OSBPL3: variants seen among roughly 807,000 people sequenced by gnomAD.
The protein encoded by OSBPL3 is oxysterol binding protein like 3.
A neutral mutation model predicts 120.1 loss-of-function variants in OSBPL3; 65 were observed. The ratio of observed to expected loss-of-function variants is 0.54; its 90% CI spans 0.44 to 0.67. The LOEUF is 0.67. OSBPL3 is among the 30% of genes least tolerant of loss of function. The probability of loss-of-function intolerance (pLI) is 0.00; values close to 1 mark genes in which losing one functional copy is unlikely to be tolerated. For missense variants in OSBPL3, 1,004 were observed against 1,082.1 expected, an observed-to-expected ratio of 0.93 and a Z score of 1.01; for synonymous variants, 416 against 402.6, an observed-to-expected ratio of 1.03 and a Z score of -0.40.
rs1314492549 is a variant in OSBPL3, at chr7:24,894,173, A to G, written c.-149-1552T>C. Among the ~76,000 whole-genome samples, 2 of 152,226 alleles carry G rather than the reference A, an allele frequency of 1.3e-5. No individual in the cohort carries two copies. The highest frequency in any genetic ancestry group is 1.5e-5 in the Non-Finnish European group (1 of 68,046). ...GTTCTTCAAAAATAAAAAAGAGTAC[A>G]TTAAAGCAATAAGCTAGAATCAAAA... is the stretch of plus-strand genomic sequence containing the variant. On this transcript the variant is annotated intron_variant, in intron 1 of 22. Transcript: ENST00000313367. The surrounding 1 kb of genome is among the most constrained non-coding windows in gnomAD (Gnocchi z 4.1).
In OSBPL3 at chr7:24,965,826, C is replaced by G. The variant is rs2522242; in HGVS notation, c.-150+14060G>C. 2.0e-5 allele frequency among the ~76,000 whole-genome samples: 3 copies of G among 152,236 alleles called. No homozygotes were observed. The highest frequency in any genetic ancestry group is 7.2e-5 in the African/African-American group (3 of 41,554). The stretch of plus-strand genomic sequence containing the variant: ...TCAGCCTCCCAAAGTGTTGGGATTA[C>G]AGGCATTAGCCACTGCGACGGACTC... On this transcript the variant is annotated intron_variant, in intron 1 of 22. Transcript: ENST00000313367. The surrounding 1 kb of genome is among the most constrained non-coding windows in gnomAD (Gnocchi z 4.3).
intron 15 of OSBPL3, among the ~76,000 whole-genome samples, chr7:24,832,024 G>A (rs562931707): frequency 6.6e-6 from 1 of 151,870 alleles, no homozygotes; most frequent in African/African-American, 2.4e-5. Context: ...ACAACATGGC[G>A]AAACCTCTTC....
rs1307061397 is a variant in OSBPL3, at chr7:24,820,832, T to C, written c.1885-594A>G. ...GTGTTTCTATTAAAAAAAAAAAAGG[T>C]AAACACAATTGTTGAGGAAATGTTA... On this transcript the variant is annotated intron_variant, in intron 16 of 22. Coordinates refer to ENST00000313367, the MANE Select transcript of OSBPL3 (RefSeq NM_015550.4). The surrounding 1 kb of genome is among the most constrained non-coding windows in gnomAD (Gnocchi z 4.6). 2.2e-5 allele frequency among the ~76,000 whole-genome samples: 3 copies of C among 135,944 alleles called. No individual in the cohort carries two copies. The highest frequency in any genetic ancestry group is 5.6e-5 in the African/African-American group (2 of 35,592). 89.2% of individuals were successfully genotyped at this position (135,944 alleles called of 152,430 possible). A position where few individuals can be genotyped will look rare whatever the true frequency, so the allele number is the denominator to read the frequency against.
chr7:24,944,029 CGGCAAAGAAAA>C (rs1813400931), intron 1 of OSBPL3, among the ~76,000 whole-genome samples: 1 of 142,618 alleles, frequency 7.0e-6, no homozygotes, highest in Non-Finnish European at 1.5e-5. Flanking sequence ...TTCCTTTCAT[CGGCAAAGAAAA>C]ACCAAGGAAG....
chr7:24,840,730 A>T lies in OSBPL3; in HGVS notation c.1455T>A (p.Asp485Glu), dbSNP rs1429214566. Residue 485 changes from aspartate to glutamate, a missense_variant, in exon 14 of 23, where the codon GAT becomes GAA. Transcript: ENST00000313367. ...VSDISDNLSL[D>E]NLSNDLDNER... ...CATTATCTAAATCATTACTGAGATT[A>T]TCTAAGGAAAGATTATCACTTATGT... The T allele has an allele frequency of 2.0e-6, 3 of 1,468,434 alleles. No homozygotes were observed. The highest frequency in any genetic ancestry group is 2.8e-6 in the Non-Finnish European group (3 of 1,068,848). 91.0% of individuals were successfully genotyped at this position (1,468,434 alleles called of 1,614,324 possible).
At chr7:24,816,050 G>A (rs1480610095) in intron 18 of OSBPL3, among the ~76,000 whole-genome samples, 1 of 152,118 alleles carries the variant, frequency 6.6e-6, no homozygotes, top group African/African-American at 2.4e-5. Context: ...TTGAGATAGG[G>A]TCTCACCCCT....
In OSBPL3 at chr7:24,918,778, C is replaced by G. The variant is rs1258282216; in HGVS notation, c.-149-26157G>C. ...CAGTAATTCCAATTCCTATGATGAC[C>G]CTGGAGAAAATACTTTCTAAATGGA... is the stretch of plus-strand genomic sequence containing the variant. On this transcript the variant is annotated intron_variant, in intron 1 of 22. Coordinates refer to ENST00000313367, the MANE Select transcript of OSBPL3 (RefSeq NM_015550.4). This position sits in a 1 kb window ranked among gnomAD's most constrained non-coding sequence, Gnocchi z 4.3. Among the ~76,000 whole-genome samples, 2 of 151,982 alleles carry G rather than the reference C, an allele frequency of 1.3e-5. No homozygotes were observed. The highest frequency in any genetic ancestry group is 2.4e-5 in the African/African-American group (1 of 41,378).
At position 24,965,720 on chromosome 7, in the gene OSBPL3, T is replaced by C. The variant is rs954221116; in HGVS notation, c.-150+14166A>G. On this transcript the variant is annotated intron_variant, in intron 1 of 22. Coordinates refer to ENST00000313367, the MANE Select transcript of OSBPL3 (RefSeq NM_015550.4). The surrounding 1 kb of genome is among the most constrained non-coding windows in gnomAD (Gnocchi z 4.3). ...CAATCTGTTTTATTAAATAATTAAT[T>C]TGTTTGTTTTTGTGGAGACTGAGTC... Among the ~76,000 whole-genome samples the C allele has an allele frequency of 6.6e-6, 1 of 152,096 alleles. No individual in the cohort carries two copies. The highest frequency in any genetic ancestry group is 2.4e-5 in the African/African-American group (1 of 41,402).
chr7:24,959,562 G>C lies in OSBPL3; in HGVS notation c.-150+20324C>G, dbSNP rs984360705. On this transcript the variant is annotated intron_variant, in intron 1 of 22. Transcript: ENST00000313367. The surrounding 1 kb of genome is among the most constrained non-coding windows in gnomAD (Gnocchi z 4.3). Reference sequence around the variant, plus strand: ...CATTGCGGGTAGGGATAGCGACTTCGGAAGAGCTGGTAATCACCTGTTTCT... The same window carrying C: ...CATTGCGGGTAGGGATAGCGACTTCCGAAGAGCTGGTAATCACCTGTTTCT... Among the ~76,000 whole-genome samples, 2 of 152,252 alleles carry C rather than the reference G, an allele frequency of 1.3e-5. No homozygotes were observed. Among genetic ancestry groups the C allele is most frequent in the East Asian group, 3.9e-4 (2 of 5,190 alleles).
At chr7:24,961,453 A>G (rs1017583850) in intron 1 of OSBPL3, among the ~76,000 whole-genome samples, 6 of 152,154 alleles carry the variant, frequency 3.9e-5, no homozygotes, top group African/African-American at 1.2e-4. Flanking sequence ...CTCACCCCCA[A>G]GGTGATGGTA....
intron 1 of OSBPL3, among the ~76,000 whole-genome samples, chr7:24,895,012 A>C (rs1469079425): frequency 6.6e-6 from 1 of 152,072 alleles, no homozygotes; most frequent in Admixed American, 6.5e-5. Flanking sequence ...AAAGAAAGAG[A>C]GGGGACCCGC....
At chr7:24,850,125 G>A (rs974928656) in intron 11 of OSBPL3, among the ~76,000 whole-genome samples, 1 of 152,134 alleles carries the variant, frequency 6.6e-6, no homozygotes, top group Admixed American at 6.5e-5. Flanking sequence ...AGGGCTTAAG[G>A]ACCATGGCTC....
rs750460633 is a variant in OSBPL3, at chr7:24,852,524, G to A, written c.1138C>T (p.Leu380=). 3.1e-6 allele frequency: 5 copies of A among 1,589,856 alleles called. No individual in the cohort carries two copies. In the South Asian group the frequency reaches 5.8e-5, roughly 19 times the overall value. ...SSSPSAQVIG[L]KNALSSALAQ... is the part of the protein sequence containing the mutation. Reference sequence around the variant, plus strand: ...CTTACGGATGACAGGGCGTTCTTCAGACCAATGACCTGAGCAGACGGGGAG... The same window carrying A: ...CTTACGGATGACAGGGCGTTCTTCAAACCAATGACCTGAGCAGACGGGGAG... Residue 380 remains leucine, a synonymous_variant, in exon 11 of 23, where the codon CTG becomes TTG. Transcript: ENST00000313367. This position sits in a 1 kb window ranked among gnomAD's most constrained non-coding sequence, Gnocchi z 4.1.
In OSBPL3 at chr7:24,972,996, CTAAAAA is replaced by C. The variant is rs566910241; in HGVS notation, c.-150+6884_-150+6889del. The stretch of plus-strand genomic sequence containing the variant: ...AGGAAAGTATCTGACCCACACAATA[CTAAAAA>C]TAAAGATTTTAGTATTTTAACTGTA... On this transcript the variant is annotated intron_variant, in intron 1 of 22. Coordinates refer to ENST00000313367, the MANE Select transcript of OSBPL3 (RefSeq NM_015550.4). This position sits in a 1 kb window ranked among gnomAD's most constrained non-coding sequence, Gnocchi z 4.3. Among the ~76,000 whole-genome samples the C allele has an allele frequency of 1.6e-3, 250 of 152,216 alleles. 1 individual carries two copies. The highest frequency in any genetic ancestry group is 5.8e-3 in the African/African-American group (241 of 41,514).
chr7:24,801,294 G>A (rs1007748067), intron 22 of OSBPL3, among the ~76,000 whole-genome samples: 2 of 149,548 alleles, frequency 1.3e-5, no homozygotes, highest in Non-Finnish European at 3.0e-5. Context: ...AGTCTGGAGA[G>A]ATTAGTCCTG....
intron 1 of OSBPL3, among the ~76,000 whole-genome samples, chr7:24,903,914 A>C (rs1807450672): frequency 2.8e-5 from 4 of 141,312 alleles, no homozygotes; most frequent in African/African-American, 2.6e-5. Context: ...ACAGACTCTC[A>C]CTCTGTCACC....
intron 20 of OSBPL3, among the ~76,000 whole-genome samples, chr7:24,807,228 C>A (rs1793163226): frequency 6.6e-6 from 1 of 152,182 alleles, no homozygotes; most frequent in Non-Finnish European, 1.5e-5. Flanking sequence ...CGTGGTGGCT[C>A]ATGCCTGTAA....
At chr7:24,829,496 C>A (rs1157591126) in intron 16 of OSBPL3, among the ~76,000 whole-genome samples, 1 of 152,136 alleles carries the variant, frequency 6.6e-6, no homozygotes, top group Non-Finnish European at 1.5e-5. Flanking sequence ...TCAGCCAACC[C>A]ACGCTTCCCC....
rs1046886681 is a variant in OSBPL3, at chr7:24,937,808, C to T, written c.-150+42078G>A. ...CCCATCTTACATGTCTTTGCCCATACTTGGTGTAGTCAAACTATTTAATTT... is the reference window on the plus strand; with the variant it reads ...CCCATCTTACATGTCTTTGCCCATATTTGGTGTAGTCAAACTATTTAATTT... On this transcript the variant is annotated intron_variant, in intron 1 of 22. Transcript: ENST00000313367. This position sits in a 1 kb window ranked among gnomAD's most constrained non-coding sequence, Gnocchi z 4.0. Among the ~76,000 whole-genome samples the T allele has an allele frequency of 6.6e-6, 1 of 152,198 alleles. No individual in the cohort carries two copies. The highest frequency in any genetic ancestry group is 1.5e-5 in the Non-Finnish European group (1 of 68,044).
Sources: allele counts gnomAD v4.1 joint callset (sites outside exome capture counted in the v4.1 genomes callset), GRCh38; gene constraint gnomAD v4.1.1; non-coding constraint Gnocchi (gnomAD v3.1); transcripts MANE v1.5; gene names NCBI Gene and HGNC (gene_info 2026-07-23, HGNC 2026-07-21).